CHODL: variants seen among roughly 807,000 people sequenced by gnomAD.
CHODL encodes the protein chondrolectin, also known as transmembrane protein MT75.
CHODL carries 29 observed loss-of-function variants against 34.5 expected under a neutral mutation model. The observed-to-expected ratio is 0.84, with a 90% confidence interval of 0.63 to 1.15. CHODL has a LOEUF of 1.15. Ranked by LOEUF, CHODL falls within the 50% of genes most tolerant of loss-of-function variation. CHODL has a pLI of 0.00. For missense variants in CHODL, 332 were observed against 332.5 expected, an observed-to-expected ratio of 1.00 and a Z score of 0.01; for synonymous variants, 125 against 116.1, an observed-to-expected ratio of 1.08 and a Z score of -0.49.
intron 2 of CHODL, among the ~76,000 whole-genome samples, chr21:18,062,104 T>G (rs371696553): frequency 3.3e-5 from 5 of 151,996 alleles, no homozygotes; most frequent in African/African-American, 1.2e-4. Flanking sequence ...ATATAAAAAG[T>G]AAAGAACCAC....
At chr21:18,148,096 T>G (rs1568910694) in intron 2 of CHODL, among the ~76,000 whole-genome samples, 1 of 152,186 alleles carries the variant, frequency 6.6e-6, no homozygotes, top group Non-Finnish European at 1.5e-5. Flanking sequence ...ACATCTATTA[T>G]CACAGGATGA....
chr21:18,094,742 C>CAAA (rs3984979), intron 2 of CHODL, among the ~76,000 whole-genome samples: 2,806 of 126,454 alleles, frequency 0.022, 55 homozygotes, highest in Non-Finnish European at 0.033. Flanking sequence ...ATGTCTACAT[C>CAAA]AAAAAAAAAA....
intron 1 of CHODL, among the ~76,000 whole-genome samples, chr21:17,976,270 GAAAAAAAAA>G (rs71318119): frequency 1.8e-4 from 12 of 66,524 alleles, no homozygotes; most frequent in African/African-American, 2.6e-4. Context: ...GACCATCTCA[GAAAAAAAAA>G]AAAAAAAAAA....
chr21:18,254,288 A>G (rs1568959293), intron 1 of CHODL, among the ~76,000 whole-genome samples: 1 of 146,596 alleles, frequency 6.8e-6, no homozygotes, highest in Non-Finnish European at 1.5e-5. Flanking sequence ...GATGAATTGT[A>G]AGAAAGTAGA....
chr21:18,180,765 C>T (rs1346661010), intron 2 of CHODL, among the ~76,000 whole-genome samples: 1 of 152,074 alleles, frequency 6.6e-6, no homozygotes, highest in Non-Finnish European at 1.5e-5. Flanking sequence ...GCAGGGGAGG[C>T]CAAATATTGT....
At chr21:17,959,174 G>C (rs1252896167) in intron 1 of CHODL, among the ~76,000 whole-genome samples, 2 of 152,168 alleles carry the variant, frequency 1.3e-5, no homozygotes, top group East Asian at 1.9e-4. Flanking sequence ...TCTGCCCCCA[G>C]CTTAAGTCCT....
intron 2 of CHODL, among the ~76,000 whole-genome samples, chr21:18,117,730 GAAATAAAT>G (rs68074354): frequency 2.0e-5 from 3 of 150,554 alleles, no homozygotes; most frequent in Non-Finnish European, 4.4e-5. Flanking sequence ...TAAATAAGAA[GAAATAAAT>G]AAATAAAACA....
intron 1 of CHODL, among the ~76,000 whole-genome samples, chr21:17,985,198 T>C (rs1465425703): frequency 6.6e-6 from 1 of 152,222 alleles, no homozygotes; most frequent in African/African-American, 2.4e-5. Flanking sequence ...CTATATTTTT[T>C]CAACTCTTCT....
intron 2 of CHODL, among the ~76,000 whole-genome samples, chr21:18,092,432 T>C (rs992162473): frequency 6.6e-6 from 1 of 152,174 alleles, no homozygotes; most frequent in Admixed American, 6.5e-5. Flanking sequence ...ATGAAGAATA[T>C]ATACAAGTAT....
At chr21:17,932,537 CAA>C (rs1281781822) in intron 1 of CHODL, among the ~76,000 whole-genome samples, 2 of 152,126 alleles carry the variant, frequency 1.3e-5, no homozygotes, top group African/African-American at 2.4e-5. Flanking sequence ...TTCACAATAG[CAA>C]AGTCGTGAAA....
At chr21:18,077,267 G>T (rs930868355) in intron 2 of CHODL, among the ~76,000 whole-genome samples, 1 of 152,126 alleles carries the variant, frequency 6.6e-6, no homozygotes, top group Non-Finnish European at 1.5e-5. Flanking sequence ...TAACTTCTTT[G>T]ATTTCATAAG....
intron 2 of CHODL, among the ~76,000 whole-genome samples, chr21:18,117,927 C>T (rs925680145): frequency 6.6e-6 from 1 of 152,044 alleles, no homozygotes; most frequent in African/African-American, 2.4e-5. Flanking sequence ...GTGCAGGGCT[C>T]TTTAAGTTTT....
intron 2 of CHODL, among the ~76,000 whole-genome samples, chr21:18,223,412 A>G (rs1325285067): frequency 6.6e-6 from 1 of 152,220 alleles, no homozygotes; most frequent in African/African-American, 2.4e-5. Flanking sequence ...ATAAGAGCTC[A>G]GAGGCCTCCT....
At chr21:18,164,595 G>T (rs973002468) in intron 2 of CHODL, among the ~76,000 whole-genome samples, 1 of 152,156 alleles carries the variant, frequency 6.6e-6, no homozygotes, top group Non-Finnish European at 1.5e-5. Context: ...TGTTGGATGA[G>T]TATAACACCT....
At chr21:17,953,206 C>T (rs549822690) in intron 1 of CHODL, among the ~76,000 whole-genome samples, 1 of 152,310 alleles carries the variant, frequency 6.6e-6, no homozygotes, top group East Asian at 1.9e-4. Context: ...AAATAATATT[C>T]ACTAAGTATA....
chr21:18,145,763 A>AC, intron 2 of CHODL, among the ~76,000 whole-genome samples: 1 of 152,280 alleles, frequency 6.6e-6, no homozygotes, highest in East Asian at 1.9e-4. Flanking sequence ...AAGAAACCAG[A>AC]TTATGGTTAT....
intron 2 of CHODL, among the ~76,000 whole-genome samples, chr21:18,182,026 C>A (rs2146677900): frequency 6.6e-6 from 1 of 152,120 alleles, no homozygotes; most frequent in Admixed American, 6.5e-5. Context: ...CTGCTATGAA[C>A]ATTTGTGTGT....
Position 18,178,921 on chromosome 21 carries a change from A to T in CHODL, c.-44-77588A>T, listed in dbSNP as rs574723710. 5.9e-4 allele frequency among the ~76,000 whole-genome samples: 90 copies of T among 152,248 alleles called. 1 individual carries two copies. The highest frequency in any genetic ancestry group is 1.7e-3 in the Admixed American group (26 of 15,282). On this transcript the variant is annotated intron_variant, in intron 2 of 6. Coordinates refer to the CHODL transcript ENST00000400127. The stretch of plus-strand genomic sequence containing the variant: ...GTTGAGTTTCAGCTTTGATACACAT[A>T]CCCTATTTGTTTACTATGGGATTGC...
chr21:18,154,851 G>C (rs910400070), intron 2 of CHODL, among the ~76,000 whole-genome samples: 1 of 152,126 alleles, frequency 6.6e-6, no homozygotes, highest in Non-Finnish European at 1.5e-5. Context: ...CTCTCTAACA[G>C]CTTAAAGTTG....
Sources: allele counts gnomAD v4.1 joint callset (sites outside exome capture counted in the v4.1 genomes callset), GRCh38; gene constraint gnomAD v4.1.1; transcripts MANE v1.5; gene names NCBI Gene and HGNC (gene_info 2026-07-23, HGNC 2026-07-21).